The following GNB5 variants were observed in gnomAD, a reference collection of about 807,000 sequenced individuals.
The protein encoded by GNB5 is guanine nucleotide-binding protein subunit beta-5.
GNB5 carries 37 observed loss-of-function variants against 55.3 expected under a neutral mutation model. The observed-to-expected ratio is 0.67, with a 90% CI of 0.51 to 0.88. GNB5 has a LOEUF of 0.88. GNB5 is among the 40% of genes least tolerant of loss of function. The pLI is 0.00. For missense variants in GNB5, 476 were observed against 515.3 expected, an observed-to-expected ratio of 0.92 and a Z score of 0.74; for synonymous variants, 219 against 198.5, an observed-to-expected ratio of 1.10 and a Z score of -0.87.
intron 4 of GNB5, among the ~76,000 whole-genome samples, chr15:52,151,165 TG>T (rs955360399): frequency 7.2e-5 from 11 of 152,134 alleles, no homozygotes; most frequent in African/African-American, 2.2e-4. Flanking sequence ...ACACAGTGTG[TG>T]GGGTGGATTC....
intron 3 of GNB5, among the ~76,000 whole-genome samples, chr15:52,175,069 T>C (rs1461631766): frequency 6.6e-6 from 1 of 151,886 alleles, no homozygotes; most frequent in Non-Finnish European, 1.5e-5. Flanking sequence ...CAAGACTCTG[T>C]CTCAAAAACA....
At chr15:52,128,328 A>T in intron 9 of GNB5, 84 bp from the exon 10 acceptor site, 1 of 872,570 alleles carries the variant, frequency 1.1e-6, no homozygotes. Flanking sequence ...TTGGAATCAG[A>T]ATCTCTATTT....
At chr15:52,146,912 A>G (rs973964477) in intron 6 of GNB5, among the ~76,000 whole-genome samples, 1 of 151,940 alleles carries the variant, frequency 6.6e-6, no homozygotes. Flanking sequence ...AAATACTACA[A>G]TTAATGTCAT....
chr15:52,173,908 A>G (rs2034598723), intron 3 of GNB5, among the ~76,000 whole-genome samples: 1 of 152,224 alleles, frequency 6.6e-6, no homozygotes, highest in Non-Finnish European at 1.5e-5. Flanking sequence ...AGGCTAAATA[A>G]TGGCCCCCAA....
intron 1 of GNB5, among the ~76,000 whole-genome samples, chr15:52,190,824 A>G (rs2034915243): frequency 6.9e-6 from 1 of 145,090 alleles, no homozygotes; most frequent in Non-Finnish European, 1.5e-5. Flanking sequence ...AAAAACATAA[A>G]TGTCATAGCA....
intron 3 of GNB5, among the ~76,000 whole-genome samples, chr15:52,157,899 A>T (rs948995804): frequency 1.1e-5 from 1 of 92,298 alleles, no homozygotes; most frequent in Non-Finnish European, 2.4e-5. Flanking sequence ...TTAGGAAGTT[A>T]AAAAAAAAAA....
intron 3 of GNB5, among the ~76,000 whole-genome samples, chr15:52,157,063 G>A (rs1271111518): frequency 1.3e-5 from 2 of 150,694 alleles, no homozygotes; most frequent in Non-Finnish European, 2.9e-5. Flanking sequence ...AGCCTCCCAA[G>A]TAGCTAGGAC....
intron 4 of GNB5, among the ~76,000 whole-genome samples, chr15:52,152,479 A>G (rs955072159): frequency 1.3e-5 from 2 of 151,992 alleles, no homozygotes; most frequent in African/African-American, 4.8e-5. Flanking sequence ...TCCCACCACC[A>G]TGCCCAGCTA....
At chr15:52,138,091 T>A in intron 7 of GNB5, 1 of 561,094 alleles carries the variant, frequency 1.8e-6, no homozygotes, top group South Asian at 1.6e-5. Context: ...CCCTCTCTCT[T>A]ATATGTTAGG....
intron 2 of GNB5, among the ~76,000 whole-genome samples, chr15:52,183,878 C>T (rs1361421318): frequency 6.6e-6 from 1 of 152,336 alleles, no homozygotes; most frequent in South Asian, 2.1e-4. Context: ...TGCACAGCCA[C>T]CTCTGGTGAG....
At chr15:52,141,304 A>G in intron 6 of GNB5, 32 bp from the exon 7 acceptor site, 3 of 1,601,380 alleles carry the variant, frequency 1.9e-6, no homozygotes, top group Non-Finnish European at 2.6e-6. Flanking sequence ...ACCAAAGATT[A>G]ATGCAGAGTC....
chr15:52,176,520 G>C (rs971709661), intron 3 of GNB5, among the ~76,000 whole-genome samples: 1 of 152,106 alleles, frequency 6.6e-6, no homozygotes, highest in African/African-American at 2.4e-5. Context: ...ACTTAGGAAG[G>C]AGCTGGGCGA....
intron 4 of GNB5, among the ~76,000 whole-genome samples, chr15:52,151,516 A>G (rs1396145704): frequency 6.6e-6 from 1 of 152,170 alleles, no homozygotes; most frequent in Non-Finnish European, 1.5e-5. Context: ...CCTGCATCTA[A>G]GCAGGAAGGC....
Position 52,126,093 on chromosome 15 carries a change from T to C in GNB5, c.913-49A>G, listed in dbSNP as rs939895832. On this transcript the variant is annotated intron_variant, in intron 10 of 12. Coordinates refer to ENST00000261837, the MANE Select transcript of GNB5 (RefSeq NM_016194.4). ...GCACTTACTTCTGGCTTCAGTTTGG[T>C]GACGTGATGACCACAGAGCTACAGG... 3 of 867,458 alleles carry C rather than the reference T, an allele frequency of 3.5e-6. No homozygotes were observed. In the African/African-American group the frequency reaches 5.0e-5, roughly 14 times the overall value. The allele number at this position is 867,458 out of a possible 1,614,324, so 53.7% of individuals were successfully genotyped here.
At chr15:52,129,470 C>A (rs1317014005) in intron 9 of GNB5, among the ~76,000 whole-genome samples, 2 of 152,174 alleles carry the variant, frequency 1.3e-5, no homozygotes, top group South Asian at 2.1e-4. Context: ...CAGATGTTAA[C>A]CATTTTCAGC....
intron 7 of GNB5, chr15:52,137,397 A>G: frequency 9.7e-7 from 1 of 1,031,520 alleles, no homozygotes; most frequent in Non-Finnish European, 1.2e-6. Context: ...GGGGAGAGAC[A>G]AACTCCAGGG....
intron 12 of GNB5, 120 bp downstream of exon 12, chr15:52,124,353 T>C (rs2033362933): frequency 2.8e-6 from 2 of 723,718 alleles, no homozygotes; most frequent in Non-Finnish European, 4.6e-6. Context: ...AAATGAGAGC[T>C]CGGCGAGGCT....
intron 6 of GNB5, 62 bp downstream of exon 6, chr15:52,147,396 GC>G: frequency 1.1e-6 from 1 of 916,312 alleles, no homozygotes; most frequent in Admixed American, 1.7e-5. Flanking sequence ...GTTTGTTTTT[GC>G]CAAGAGAACA....
rs1032455631 is a variant in GNB5, at chr15:52,116,837, T to A, written c.*5920A>T. On this transcript the variant is annotated 3_prime_UTR_variant, in exon 13 of 13. Coordinates refer to ENST00000261837, the MANE Select transcript of GNB5 (RefSeq NM_016194.4). ...CCTCGGACTGGTGTGACCTTTGTTA[T>A]TGATATTTGTAGCCAAGGATAATTA... is the stretch of plus-strand genomic sequence containing the variant. 3.3e-5 allele frequency: 5 copies of A among 152,152 alleles called. No homozygotes were observed. Among genetic ancestry groups the A allele is most frequent in the Non-Finnish European group, 7.4e-5 (5 of 68,002 alleles). The allele number at this position is 152,152 out of a possible 1,614,324, so 9.4% of individuals were successfully genotyped here.
Sources: allele counts gnomAD v4.1 joint callset (sites outside exome capture counted in the v4.1 genomes callset), GRCh38; gene constraint gnomAD v4.1.1; transcripts MANE v1.5; gene names NCBI Gene and HGNC (gene_info 2026-07-23, HGNC 2026-07-21).